The following DENND1A variants were observed in gnomAD, a reference collection of about 807,000 sequenced individuals.
The protein encoded by DENND1A is DENN domain-containing protein 1A.
In DENND1A, 51 loss-of-function variants were observed where a neutral mutation model predicts 113.7. That is an observed-to-expected ratio of 0.45 (90% CI 0.36 to 0.57). The LOEUF (loss-of-function observed/expected upper bound fraction) is 0.57. DENND1A is among the 20% of genes least tolerant of loss of function. DENND1A has a pLI of 0.00. For missense variants in DENND1A, 1,258 were observed against 1,395.9 expected, an observed-to-expected ratio of 0.90 and a Z score of 1.57; for synonymous variants, 565 against 570.8, an observed-to-expected ratio of 0.99 and a Z score of 0.14.
chr9:123,718,355 A>G (rs969002668), intron 5 of DENND1A, among the ~76,000 whole-genome samples: 4 of 152,192 alleles, frequency 2.6e-5, no homozygotes, highest in Admixed American at 6.5e-5. Flanking sequence ...GGTGTGCCAT[A>G]AAGGCCTAAT....
intron 1 of DENND1A, among the ~76,000 whole-genome samples, chr9:123,892,341 C>T (rs576806300): frequency 7.2e-5 from 11 of 152,128 alleles, no homozygotes; most frequent in Admixed American, 6.5e-4. Context: ...CTAGTCTAGC[C>T]CTAGACTGAG....
chr9:123,710,015 T>C (rs925953151), intron 5 of DENND1A, among the ~76,000 whole-genome samples: 1 of 152,186 alleles, frequency 6.6e-6, no homozygotes, highest in Non-Finnish European at 1.5e-5. Context: ...TTTCTCACAA[T>C]AGCCAAGTGG....
Position 123,387,850 on chromosome 9 carries a change from T to C in DENND1A, c.1640A>G (p.Lys547Arg). The C allele has an allele frequency of 7.8e-7, 1 of 1,289,828 alleles. No homozygotes were observed. The highest frequency in any genetic ancestry group is 1.0e-6 in the Non-Finnish European group (1 of 988,870). 79.9% of individuals were successfully genotyped at this position (1,289,828 alleles called of 1,614,324 possible). ...GAAGACCGCATAGTGTCGCAAGGGC[T>C]TTACCAGGCTGGGGCAGAGGAAGAC... ...TSVPSPEHLV[K>R]PLRHYAVFLS... The change falls in exon 22 of 24, where the codon AAG becomes AGG. Residue 547 changes from lysine (K) to arginine (R), a missense_variant. By Grantham distance (26) the Lys-to-Arg change is conservative. Around this residue, in one of 2 missense-constraint regions of DENND1A, gnomAD observed 1,159 missense variants for 1,231.7 expected, o/e 0.94. Coordinates refer to ENST00000394215, the MANE Select transcript of DENND1A (RefSeq NM_001352964.2).
At chr9:123,395,062 G>C (rs990296452) in intron 21 of DENND1A, among the ~76,000 whole-genome samples, 1 of 152,204 alleles carries the variant, frequency 6.6e-6, no homozygotes, top group Admixed American at 6.5e-5. Context: ...AAGACAACAC[G>C]TGTGAAATTG....
At chr9:123,421,914 T>C (rs2045339535) in intron 19 of DENND1A, among the ~76,000 whole-genome samples, 1 of 152,026 alleles carries the variant, frequency 6.6e-6, no homozygotes, top group Non-Finnish European at 1.5e-5. Context: ...AAGAAGCCCC[T>C]TCTTTCCAGC....
At chr9:123,385,530 C>T (rs1442818216) in intron 22 of DENND1A, among the ~76,000 whole-genome samples, 2 of 152,106 alleles carry the variant, frequency 1.3e-5, no homozygotes, top group Non-Finnish European at 2.9e-5. Flanking sequence ...AGATGGTGCC[C>T]GTGGCACTGG....
At chr9:123,620,213 C>CAAAAAAAAAAAAAAAAAAAA (rs34196587) in intron 10 of DENND1A, among the ~76,000 whole-genome samples, 117 of 58,892 alleles carry the variant, frequency 2.0e-3, no homozygotes, top group East Asian at 2.6e-3. Flanking sequence ...GACTCCATCT[C>CAAAAAAAAAAAAAAAAAAAA]AAAAAAAAAA....
At chr9:123,627,479 C>G (rs576802934) in intron 10 of DENND1A, among the ~76,000 whole-genome samples, 3 of 152,214 alleles carry the variant, frequency 2.0e-5, no homozygotes, top group Admixed American at 6.5e-5. Flanking sequence ...CGGTGGCTCA[C>G]GTCTGTAATC....
chr9:123,392,414 T>C (rs566572936), intron 21 of DENND1A, among the ~76,000 whole-genome samples: 1 of 152,298 alleles, frequency 6.6e-6, no homozygotes, highest in Admixed American at 6.5e-5. Flanking sequence ...GAGCTGGTGA[T>C]CATTTTTGAA....
intron 2 of DENND1A, among the ~76,000 whole-genome samples, chr9:123,862,914 T>G (rs1273847447): frequency 1.3e-5 from 2 of 152,250 alleles, no homozygotes; most frequent in African/African-American, 4.8e-5. Context: ...CATTAAGATC[T>G]TGCTTTCTCT....
At chr9:123,620,687 T>A (rs2060913612) in intron 10 of DENND1A, among the ~76,000 whole-genome samples, 1 of 152,182 alleles carries the variant, frequency 6.6e-6, no homozygotes, top group Admixed American at 6.5e-5. Flanking sequence ...CACATTTGTG[T>A]ATGTGTGTGT....
At chr9:123,477,648 T>C (rs915204356) in intron 13 of DENND1A, among the ~76,000 whole-genome samples, 2 of 151,768 alleles carry the variant, frequency 1.3e-5, no homozygotes, top group African/African-American at 4.8e-5. Flanking sequence ...CTGGGCTTAA[T>C]ACCTAGGTGA....
At chr9:123,567,682 A>T (rs1356089009) in intron 12 of DENND1A, among the ~76,000 whole-genome samples, 1 of 152,252 alleles carries the variant, frequency 6.6e-6, no homozygotes, top group East Asian at 1.9e-4. Context: ...TCAGTCAGAC[A>T]TGTGAATGTC....
chr9:123,817,527 C>T (rs1449510851), intron 2 of DENND1A, among the ~76,000 whole-genome samples: 1 of 152,022 alleles, frequency 6.6e-6, no homozygotes, highest in East Asian at 1.9e-4. Context: ...CCTTAATGAG[C>T]CAATGCACAT....
chr9:123,771,014 A>C (rs968215434), intron 3 of DENND1A, among the ~76,000 whole-genome samples: 5 of 152,190 alleles, frequency 3.3e-5, no homozygotes, highest in African/African-American at 1.2e-4. Context: ...TTGGACTGGT[A>C]CTATGTATAT....
Position 123,714,653 on chromosome 9 carries a change from A to G in DENND1A, c.303-37864T>C, listed in dbSNP as rs2066858219. 2.0e-5 allele frequency among the ~76,000 whole-genome samples: 3 copies of G among 152,158 alleles called. No homozygotes were observed. In the South Asian group the frequency reaches 6.2e-4, roughly 32 times the overall value. On this transcript the variant is annotated intron_variant, in intron 5 of 23. Coordinates refer to ENST00000394215, the MANE Select transcript of DENND1A (RefSeq NM_001352964.2). ...TACTCTCAGAGTCAGCCCTACTGTA[A>G]GAGAACCAGAAGTGCTCTAGCATGA...
intron 20 of DENND1A, 96 bp downstream of exon 20, chr9:123,411,680 C>T: frequency 2.3e-6 from 2 of 877,076 alleles, no homozygotes; most frequent in Non-Finnish European, 2.7e-6. Context: ...TTTCTTTTGC[C>T]AGGCAGGAGG....
chr9:123,814,207 G>A (rs989062447), intron 2 of DENND1A, among the ~76,000 whole-genome samples: 16 of 152,018 alleles, frequency 1.1e-4, no homozygotes, highest in African/African-American at 2.9e-4. Flanking sequence ...TATGTAACAC[G>A]GACATTAATA....
intron 19 of DENND1A, chr9:123,439,763 G>A (rs2046788730): frequency 1.3e-5 from 2 of 152,016 alleles, no homozygotes; most frequent in Admixed American, 1.3e-4. Context: ...AAGTAGGAAG[G>A]GGATACAAAA....
Sources: gnomAD v4.1 joint callset for allele counts (sites outside exome capture counted in the v4.1 genomes callset) on GRCh38, gnomAD v4.1.1 for gene constraint, gnomAD v4.1.1 regional missense constraint, MANE v1.5 for transcripts, NCBI Gene and HGNC (gene_info 2026-07-23, HGNC 2026-07-21) for gene names.